Variants in SNX29 observed in about 807,000 individuals in gnomAD.
SNX29 encodes the protein sorting nexin-29.
A neutral mutation model predicts 102.1 loss-of-function variants in SNX29; 78 were observed. That is an observed-to-expected ratio of 0.76 (90% CI 0.64 to 0.92). SNX29 has a LOEUF of 0.92. SNX29 is among the 40% of genes least tolerant of loss of function. The pLI, the probability that SNX29 is intolerant of heterozygous loss-of-function variation, is 0.00. For synonymous variants in SNX29, 580 were observed against 414.5 expected (o/e 1.40, Z -4.85); for missense variants, 1,280 against 1,061.7 (o/e 1.21, Z -2.86).
intron 3 of SNX29, among the ~76,000 whole-genome samples, chr16:12,026,081 G>A (rs992901410): frequency 2.0e-5 from 3 of 152,142 alleles, no homozygotes; most frequent in South Asian, 2.1e-4. Context: ...CATGGGTGTC[G>A]GGATGGGTGG....
chr16:12,198,279 A>G (rs2076828520), intron 13 of SNX29, among the ~76,000 whole-genome samples: 2 of 151,994 alleles, frequency 1.3e-5, no homozygotes, highest in Admixed American at 6.6e-5. Context: ...ACAAAAATTA[A>G]AGCATTGTGA....
At chr16:12,513,260 C>A (rs538537726) in intron 19 of SNX29, among the ~76,000 whole-genome samples, 1 of 150,230 alleles carries the variant, frequency 6.7e-6, no homozygotes, top group South Asian at 2.1e-4. Flanking sequence ...CTCCTCTCCC[C>A]TCCCCTTCCT....
At chr16:12,407,413 C>T (rs1223106989) in intron 18 of SNX29, among the ~76,000 whole-genome samples, 1 of 151,752 alleles carries the variant, frequency 6.6e-6, no homozygotes, top group Non-Finnish European at 1.5e-5. Context: ...TGGTGATGTA[C>T]AGTCCCCCTT....
rs147978408 is a variant in SNX29 at position 12,077,618 on chromosome 16, T to C, written c.1320-1215T>C. Among the ~76,000 whole-genome samples, 724 of 152,284 alleles carry C rather than the reference T, an allele frequency of 4.8e-3. 7 individuals are homozygous for C. The highest frequency in any genetic ancestry group is 0.016 in the African/African-American group (683 of 41,564). On this transcript the variant is annotated intron_variant, in intron 10 of 20. Transcript: ENST00000566228. ...ACATGGTTAAGTTGCTTTGAGGCTC[T>C]GGTCACACATTTTGTTTTTGAGATG...
At chr16:12,299,386 T>A (rs1479248094) in intron 15 of SNX29, among the ~76,000 whole-genome samples, 1 of 152,258 alleles carries the variant, frequency 6.6e-6, no homozygotes, top group Admixed American at 6.5e-5. Context: ...GATATTCAAG[T>A]TGTCCTATCT....
intron 10 of SNX29, among the ~76,000 whole-genome samples, chr16:12,071,927 G>T (rs925487182): frequency 1.3e-5 from 2 of 152,148 alleles, no homozygotes; most frequent in Non-Finnish European, 2.9e-5. Context: ...TATTCTCTTT[G>T]AAGCAATTGT....
chr16:12,185,305 A>AGTTT (rs2076483947), intron 13 of SNX29, among the ~76,000 whole-genome samples: 1 of 152,182 alleles, frequency 6.6e-6, no homozygotes, highest in African/African-American at 2.4e-5. Context: ...AGGGGCATCA[A>AGTTT]GTCCTTAGTG....
intron 19 of SNX29, among the ~76,000 whole-genome samples, chr16:12,519,915 G>A (rs1217274631): frequency 6.6e-6 from 1 of 152,078 alleles, no homozygotes; most frequent in Non-Finnish European, 1.5e-5. Context: ...GGCTGAGGCA[G>A]GAGAATCTCT....
intron 13 of SNX29, among the ~76,000 whole-genome samples, chr16:12,174,452 G>A (rs1239470426): frequency 6.6e-6 from 1 of 152,214 alleles, no homozygotes; most frequent in Admixed American, 6.5e-5. Context: ...AAAGGAAAGG[G>A]CGAGAGAATC....
chr16:12,380,705 A>AACCATCAATTCCATCCACCC (rs138650479), intron 16 of SNX29, among the ~76,000 whole-genome samples: 9,289 of 34,670 alleles, frequency 0.27, 2,339 homozygotes, highest in Non-Finnish European at 0.38. Context: ...TCCACCCACC[A>AACCATCAATTCCATCCACCC]ACCATCAATT....
intron 18 of SNX29, among the ~76,000 whole-genome samples, chr16:12,469,763 C>T (rs551505607): frequency 3.7e-4 from 57 of 152,326 alleles, no homozygotes; most frequent in Admixed American, 1.7e-3. Flanking sequence ...GTAATCTCAG[C>T]ACTTTTGGAG....
chr16:12,150,569 G>A (rs538743540), intron 13 of SNX29, among the ~76,000 whole-genome samples: 1 of 152,232 alleles, frequency 6.6e-6, no homozygotes, highest in Non-Finnish European at 1.5e-5. Flanking sequence ...CTGCATCACA[G>A]CTTTAACAAC....
At chr16:12,007,465 G>A (rs1452320727) in intron 3 of SNX29, among the ~76,000 whole-genome samples, 2 of 152,120 alleles carry the variant, frequency 1.3e-5, no homozygotes, top group Non-Finnish European at 2.9e-5. Flanking sequence ...AGATCACACC[G>A]TTGCAATGCA....
At chr16:12,475,612 T>C (rs1306979518) in intron 18 of SNX29, among the ~76,000 whole-genome samples, 1 of 152,262 alleles carries the variant, frequency 6.6e-6, no homozygotes, top group Admixed American at 6.5e-5. Flanking sequence ...ACCTTCAACC[T>C]GTTCAGAACA....
At chr16:12,172,180 G>T (rs2076164437) in intron 13 of SNX29, among the ~76,000 whole-genome samples, 1 of 152,182 alleles carries the variant, frequency 6.6e-6, no homozygotes, top group African/African-American at 2.4e-5. Flanking sequence ...GGCTCTCATT[G>T]TGGCTTTGCT....
intron 18 of SNX29, among the ~76,000 whole-genome samples, chr16:12,421,747 A>G (rs2084878420): frequency 6.6e-6 from 1 of 152,130 alleles, no homozygotes; most frequent in Non-Finnish European, 1.5e-5. Context: ...AAGCATCACC[A>G]TCATTATCAT....
rs1027118921 is a variant in SNX29 at position 12,563,518 on chromosome 16, G to A, written c.2319-4988G>A. On this transcript the variant is annotated intron_variant, in intron 20 of 20. Transcript: ENST00000566228. The stretch of plus-strand genomic sequence containing the variant: ...AAAACGGGGAGACTCCTCCCCGCAT[G>A]TGAAAAATTGAGTTGTCTCCCACCA... Among the ~76,000 whole-genome samples the A allele has an allele frequency of 3.3e-5, 5 of 152,208 alleles. No homozygotes were observed. In the East Asian group the frequency reaches 5.8e-4, roughly 18 times the overall value.
At chr16:12,130,953 A>G (rs535317782) in intron 13 of SNX29, among the ~76,000 whole-genome samples, 7 of 152,138 alleles carry the variant, frequency 4.6e-5, no homozygotes, top group African/African-American at 1.7e-4. Flanking sequence ...TAATAATGCC[A>G]CAGTGAACAA....
intron 14 of SNX29, among the ~76,000 whole-genome samples, chr16:12,271,469 C>T (rs1487523617): frequency 1.3e-5 from 2 of 152,192 alleles, no homozygotes; most frequent in Non-Finnish European, 2.9e-5. Context: ...TCACTTCTGC[C>T]ATAGTCTGTT....
Sources: gnomAD v4.1 joint callset for allele counts (sites outside exome capture counted in the v4.1 genomes callset) on GRCh38, gnomAD v4.1.1 for gene constraint, MANE v1.5 for transcripts, NCBI Gene and HGNC (gene_info 2026-07-23, HGNC 2026-07-21) for gene names.